SUPT3H: variants seen among roughly 807,000 people sequenced by gnomAD.
The protein encoded by SUPT3H is transcription initiation protein SPT3 homolog.
SUPT3H carries 44 observed loss-of-function variants against 44.3 expected under a neutral mutation model. The ratio of observed to expected loss-of-function variants is 0.99; its 90% confidence interval spans 0.78 to 1.28. The LOEUF is 1.28. SUPT3H is among the 50% of genes most tolerant of loss of function. The pLI, the probability that SUPT3H is intolerant of heterozygous loss-of-function variation, is 0.00. For missense variants in SUPT3H, 380 were observed against 387.1 expected (o/e 0.98, Z 0.15); for synonymous variants, 124 against 125.6 (o/e 0.99, Z 0.09).
intron 10 of SUPT3H, among the ~76,000 whole-genome samples, chr6:44,878,895 G>C (rs1045444627): frequency 6.6e-6 from 1 of 152,126 alleles, no homozygotes; most frequent in African/African-American, 2.4e-5. Context: ...TTCCAGCCCA[G>C]ATAACTATGC....
chr6:44,927,057 C>T (rs1769621118), intron 10 of SUPT3H, among the ~76,000 whole-genome samples: 1 of 151,916 alleles, frequency 6.6e-6, no homozygotes, highest in African/African-American at 2.4e-5. Flanking sequence ...TATTTACATA[C>T]AAGAATATCC....
intron 6 of SUPT3H, among the ~76,000 whole-genome samples, chr6:44,973,621 A>G (rs763874393): frequency 6.6e-6 from 1 of 152,210 alleles, no homozygotes; most frequent in Non-Finnish European, 1.5e-5. Flanking sequence ...GTATTTTTAC[A>G]GCAGCACACC....
At chr6:45,081,873 A>G (rs368841338) in intron 3 of SUPT3H, among the ~76,000 whole-genome samples, 108 of 152,274 alleles carry the variant, frequency 7.1e-4, no homozygotes, top group African/African-American at 2.6e-3. Flanking sequence ...CCTGGAAAAA[A>G]TAGGGGGAAA....
chr6:45,065,010 T>G (rs868247917), intron 3 of SUPT3H, among the ~76,000 whole-genome samples: 2 of 150,888 alleles, frequency 1.3e-5, no homozygotes, highest in East Asian at 2.0e-4. Context: ...AATATACATT[T>G]TTTTCAGCAC....
chr6:45,132,307 C>T (rs531008926), intron 2 of SUPT3H, among the ~76,000 whole-genome samples: 1 of 152,132 alleles, frequency 6.6e-6, no homozygotes, highest in Non-Finnish European at 1.5e-5. Context: ...TCCCATCAAC[C>T]CTGGTACATA....
intron 2 of SUPT3H, among the ~76,000 whole-genome samples, chr6:45,259,927 G>T (rs768361101): frequency 1.5e-4 from 23 of 152,228 alleles, no homozygotes; most frequent in Non-Finnish European, 3.2e-4. Flanking sequence ...TCATTAGATA[G>T]TTCTTTTTCT....
chr6:45,154,903 G>T (rs1807566366), intron 2 of SUPT3H, among the ~76,000 whole-genome samples: 1 of 152,122 alleles, frequency 6.6e-6, no homozygotes, highest in Non-Finnish European at 1.5e-5. Context: ...CAAAGGGGAA[G>T]CTCTCCCTTG....
intron 2 of SUPT3H, among the ~76,000 whole-genome samples, chr6:45,141,386 T>G (rs953867512): frequency 4.1e-5 from 6 of 148,120 alleles, no homozygotes; most frequent in African/African-American, 1.5e-4. Context: ...GAAGGTTGAT[T>G]ATTAAGCTAC....
intron 2 of SUPT3H, among the ~76,000 whole-genome samples, chr6:45,108,903 T>G (rs1799668487): frequency 6.6e-6 from 1 of 152,120 alleles, no homozygotes; most frequent in African/African-American, 2.4e-5. Flanking sequence ...TATATGCAGA[T>G]AATATGAGTA....
intron 10 of SUPT3H, among the ~76,000 whole-genome samples, chr6:44,841,238 T>C (rs1310752887): frequency 6.6e-6 from 1 of 152,250 alleles, no homozygotes; most frequent in Non-Finnish European, 1.5e-5. Flanking sequence ...AATTAATAAG[T>C]TCCACCTTTT....
intron 10 of SUPT3H, among the ~76,000 whole-genome samples, chr6:44,867,189 T>C (rs1341315663): frequency 2.0e-5 from 3 of 151,700 alleles, no homozygotes; most frequent in Non-Finnish European, 4.4e-5. Context: ...TCTCACTCTG[T>C]CACCCAGGTT....
intron 3 of SUPT3H, among the ~76,000 whole-genome samples, chr6:45,104,818 T>A (rs1799057773): frequency 6.6e-6 from 1 of 152,032 alleles, no homozygotes; most frequent in African/African-American, 2.4e-5. Flanking sequence ...ATTCATAGAA[T>A]GATTCAAGAT....
chr6:44,870,340 T>C (rs554298264), intron 10 of SUPT3H, among the ~76,000 whole-genome samples: 1 of 152,276 alleles, frequency 6.6e-6, no homozygotes, highest in East Asian at 1.9e-4. Context: ...TTCATGCCTG[T>C]AATCCCAGCA....
chr6:45,124,983 G>A (rs1325692288), intron 2 of SUPT3H, among the ~76,000 whole-genome samples: 2 of 152,126 alleles, frequency 1.3e-5, no homozygotes, highest in Non-Finnish European at 2.9e-5. Flanking sequence ...TAATGTGACT[G>A]GAGTGATGAA....
At chr6:45,208,277 T>C (rs1166186795) in intron 2 of SUPT3H, among the ~76,000 whole-genome samples, 3 of 152,108 alleles carry the variant, frequency 2.0e-5, no homozygotes, top group Non-Finnish European at 4.4e-5. Flanking sequence ...AGAAGAAAAG[T>C]TAGAAACTGG....
chr6:44,932,672 C>A lies in SUPT3H; in HGVS notation c.893G>T (p.Gly298Val). ...EAIRRYSHRI[G>V]PLSPFTNAYR... is the part of the protein sequence containing the mutation. ...ACGTACTGTGAATGGGGAAAGTGGG[C>A]CAATCCTGTGGCTGTAGCGTCGAAT... Residue 298 changes from glycine (G) to valine (V), a missense_variant, in exon 10 of 11, where the codon GGC becomes GTC. Transcript: ENST00000371459. 1.9e-6 allele frequency: 3 copies of A among 1,609,906 alleles called. No homozygotes were observed. The highest frequency in any genetic ancestry group is 2.5e-6 in the Non-Finnish European group (3 of 1,178,206).
At position 45,243,923 on chromosome 6, in the gene SUPT3H, C is replaced by G. The variant is rs140191230; in HGVS notation, c.101+121278G>C. Among the ~76,000 whole-genome samples, 63 of 152,126 alleles carry G rather than the reference C, an allele frequency of 4.1e-4. 2 individuals carry two copies. The East Asian group carries it at 0.01, about 25-fold the overall frequency. On this transcript the variant is annotated intron_variant, in intron 2 of 10. Transcript: ENST00000371459. ...TTGAGACAAGGTCTCACTCTGTCAC[C>G]CAGGCTGGAGTGCAGTGGTGTGATC...
At chr6:44,987,096 C>G (rs768268241) in intron 6 of SUPT3H, among the ~76,000 whole-genome samples, 3 of 152,118 alleles carry the variant, frequency 2.0e-5, no homozygotes, top group Admixed American at 6.6e-5. Flanking sequence ...TCCTGGCTTA[C>G]AGATAGCTGT....
chr6:45,192,824 T>C (rs932225104), intron 2 of SUPT3H, among the ~76,000 whole-genome samples: 4 of 151,902 alleles, frequency 2.6e-5, no homozygotes, highest in Non-Finnish European at 4.4e-5. Flanking sequence ...ATAAAGAAAA[T>C]CAGAAATATA....
Sources: gnomAD v4.1 joint callset for allele counts (sites outside exome capture counted in the v4.1 genomes callset) on GRCh38, gnomAD v4.1.1 for gene constraint, MANE v1.5 for transcripts, NCBI Gene and HGNC (gene_info 2026-07-23, HGNC 2026-07-21) for gene names.